Variants in TDRD12 observed in about 807,000 individuals in gnomAD.
TDRD12 encodes tudor domain containing 12, also known as putative ATP-dependent RNA helicase TDRD12.
Under a neutral mutation model 133.5 loss-of-function variants are expected in TDRD12, and 158 were observed. That is an observed-to-expected ratio of 1.18 (90% confidence interval 1.04 to 1.35). The LOEUF (loss-of-function observed/expected upper bound fraction) is 1.35, where lower values mean the gene tolerates loss of function less well. Ranked by LOEUF, TDRD12 falls within the 40% of genes most tolerant of loss-of-function variation. The pLI, the probability that TDRD12 is intolerant of heterozygous loss-of-function variation, is 0.00. For synonymous variants in TDRD12, 460 were observed against 477.9 expected (o/e 0.96, Z 0.49); for missense variants, 1,443 against 1,321.3 (o/e 1.09, Z -1.43).
intron 8 of TDRD12, among the ~76,000 whole-genome samples, chr19:32,771,187 T>C (rs1970433782): frequency 6.6e-6 from 1 of 152,126 alleles, no homozygotes. Flanking sequence ...TTTAGATTTT[T>C]TGAGATGGAG....
chr19:32,764,396 C>T (rs1970237628), intron 8 of TDRD12, among the ~76,000 whole-genome samples: 1 of 152,218 alleles, frequency 6.6e-6, no homozygotes. Context: ...AGGCGTGAGC[C>T]ACCATGCCTG....
rs61039183 is a variant in TDRD12, at chr19:32,782,279, C to T, written c.1121+5050C>T. 0.014 allele frequency among the ~76,000 whole-genome samples: 2,140 copies of T among 152,248 alleles called. 159 individuals are homozygous for T. In the East Asian group the frequency reaches 0.24, roughly 17 times the overall value. Reference sequence around the variant, plus strand: ...ATGGTTTCCAGCTTCATCCCTGTCCCTGCAAAGGACATGAACTCATCCTTT... The same window carrying T: ...ATGGTTTCCAGCTTCATCCCTGTCCTTGCAAAGGACATGAACTCATCCTTT... On this transcript the variant is annotated intron_variant, in intron 11 of 27. Transcript: ENST00000444215.
At chr19:32,753,337 T>A (rs1969892064) in intron 6 of TDRD12, among the ~76,000 whole-genome samples, 1 of 152,202 alleles carries the variant, frequency 6.6e-6, no homozygotes, top group South Asian at 2.1e-4. Context: ...TCCAGCACCA[T>A]AGGGTTCATT....
At chr19:32,756,318 G>A in intron 7 of TDRD12, 137 bp downstream of exon 7, 1 of 735,406 alleles carries the variant, frequency 1.4e-6, no homozygotes, top group Non-Finnish European at 2.0e-6. Context: ...TCCTGATGAG[G>A]CTGTGACACA....
chr19:32,784,022 A>G (rs985033854), intron 11 of TDRD12, among the ~76,000 whole-genome samples: 2 of 152,074 alleles, frequency 1.3e-5, no homozygotes, highest in African/African-American at 4.8e-5. Flanking sequence ...TGCCTTTCCA[A>G]TACTATGTCA....
chr19:32,761,988 G>A (rs1490736247), intron 8 of TDRD12, among the ~76,000 whole-genome samples: 1 of 152,164 alleles, frequency 6.6e-6, no homozygotes, highest in East Asian at 1.9e-4. Flanking sequence ...ACAGGCATGA[G>A]CCACCCACCA....
At chr19:32,802,523 G>A in intron 19 of TDRD12, 133 bp from the exon 20 acceptor site, 1 of 1,062,468 alleles carries the variant, frequency 9.4e-7, no homozygotes, top group Non-Finnish European at 1.3e-6. Flanking sequence ...AAAAAATGGG[G>A]AAGAAGTTTC....
exon 13 of TDRD12, chr19:32,791,021 C>T: frequency 1.3e-6 from 2 of 1,536,202 alleles, no homozygotes. Context: ...CAAGATCAAG[C>T]CCTGCTTAAC....
chr19:32,812,828 G>A (rs76769302), intron 24 of TDRD12, among the ~76,000 whole-genome samples: 1,536 of 152,306 alleles, frequency 0.01, 26 homozygotes, highest in African/African-American at 0.035. Context: ...GTGAAAATGT[G>A]TGTGAGAGGT....
chr19:32,816,970 C>G (rs1243432287), intron 26 of TDRD12, among the ~76,000 whole-genome samples: 1 of 152,116 alleles, frequency 6.6e-6, no homozygotes, highest in Admixed American at 6.5e-5. Flanking sequence ...CATGCCCAGC[C>G]CACCAGAGAG....
At chr19:32,723,683 A>C (rs1012586175) in intron 1 of TDRD12, among the ~76,000 whole-genome samples, 1 of 151,380 alleles carries the variant, frequency 6.6e-6, no homozygotes, top group South Asian at 2.1e-4. Flanking sequence ...AAAAAAAAAA[A>C]CCATGCTGGA....
At chr19:32,824,834 G>T (rs749121675), downstream of TDRD12, among the ~76,000 whole-genome samples, 2 of 151,888 alleles carry the variant, frequency 1.3e-5, no homozygotes, top group Non-Finnish European at 2.9e-5. Flanking sequence ...TGGCGCTCCT[G>T]TGATTTGTGT....
At chr19:32,824,717 G>T (rs1199580546), downstream of TDRD12, among the ~76,000 whole-genome samples, 1 of 152,088 alleles carries the variant, frequency 6.6e-6, no homozygotes, top group South Asian at 2.1e-4. Flanking sequence ...GAGGGGATGC[G>T]TGATTGTCTT....
chr19:32,754,342 A>T (rs988337052), intron 6 of TDRD12, among the ~76,000 whole-genome samples: 1 of 152,004 alleles, frequency 6.6e-6, no homozygotes, highest in Non-Finnish European at 1.5e-5. Context: ...GATGGCTTGC[A>T]CCTGTAGTCC....
chr19:32,733,024 A>G (rs2145439825), intron 2 of TDRD12, among the ~76,000 whole-genome samples: 1 of 152,236 alleles, frequency 6.6e-6, no homozygotes, highest in East Asian at 1.9e-4. Flanking sequence ...AGATAAAAAG[A>G]TTAGTGGGCA....
intron 13 of TDRD12, among the ~76,000 whole-genome samples, chr19:32,791,575 C>G (rs1038125317): frequency 1.3e-5 from 2 of 152,106 alleles, no homozygotes; most frequent in Admixed American, 6.5e-5. Context: ...ACAGATTCCA[C>G]AGTCTTAGAA....
intron 9 of TDRD12, among the ~76,000 whole-genome samples, chr19:32,773,097 A>C (rs1382341067): frequency 2.0e-5 from 3 of 152,196 alleles, no homozygotes; most frequent in Non-Finnish European, 4.4e-5. Context: ...TTGGATATTG[A>C]TCCTCCTTTT....
Position 32,800,729 on chromosome 19 carries a change from T to A in TDRD12, c.2036T>A (p.Leu679Ter), listed in dbSNP as rs1265421628. 6.5e-7 allele frequency: 1 copy of A among 1,535,638 alleles called. No individual in the cohort carries two copies. Among genetic ancestry groups the A allele is most frequent in the Admixed American group, 2.0e-5 (1 of 50,930 alleles). The change falls in exon 18 of 28, where the codon TTG (leucine) becomes TAG (stop). Residue 679 changes from leucine (L) to a stop codon, truncating the protein, a stop_gained. Coordinates refer to ENST00000444215, the Ensembl canonical transcript of TDRD12. LOFTEE classifies it high-confidence loss of function. ...ATTCCAAGTCAGGCACAAAAGACCT[T>A]GATCTTCACCTGCTCTGTAGCTGAA...
chr19:32,784,953 T>A (rs1031034177), intron 11 of TDRD12, among the ~76,000 whole-genome samples: 2 of 152,202 alleles, frequency 1.3e-5, no homozygotes, highest in African/African-American at 4.8e-5. Context: ...TTCATTGATT[T>A]TTTTGAAGGG....
Sources: gnomAD v4.1 joint callset for allele counts (sites outside exome capture counted in the v4.1 genomes callset) on GRCh38, gnomAD v4.1.1 for gene constraint, MANE v1.5 for transcripts, NCBI Gene and HGNC (gene_info 2026-07-23, HGNC 2026-07-21) for gene names.